The following SERPING1 variants were observed in gnomAD, a reference collection of about 807,000 sequenced individuals.
The protein encoded by SERPING1 is serpin family G member 1.
Under a neutral mutation model 34.1 loss-of-function variants are expected in SERPING1, and 5 were observed. The observed-to-expected ratio is 0.15, with a 90% CI of 0.08 to 0.31. The LOEUF is 0.31. Among genes scored for constraint, SERPING1 ranks in the 10% least tolerant of loss-of-function variants. The pLI is 1.00. For missense variants in SERPING1, 505 were observed against 609.5 expected, an observed-to-expected ratio of 0.83 and a Z score of 1.81; for synonymous variants, 225 against 242.4, an observed-to-expected ratio of 0.93 and a Z score of 0.67.
chr11:57,604,033 C>T (rs578206524), intron 4 of SERPING1, among the ~76,000 whole-genome samples: 8 of 150,918 alleles, frequency 5.3e-5, no homozygotes, highest in African/African-American at 1.5e-4. Context: ...GCCTGTAGTC[C>T]CAGCAGGAGA....
chr11:57,599,495 T>C (rs1159182054), intron 2 of SERPING1, among the ~76,000 whole-genome samples: 1 of 152,202 alleles, frequency 6.6e-6, no homozygotes, highest in Non-Finnish European at 1.5e-5. Context: ...TTCAAATGTC[T>C]GTACTAGCCA....
chr11:57,599,059 C>G, intron 2 of SERPING1, among the ~76,000 whole-genome samples: 1 of 152,084 alleles, frequency 6.6e-6, no homozygotes, highest in East Asian at 1.9e-4. Context: ...CTGTGAGACC[C>G]TGGACTAGTT....
rs1267082596 is a variant in SERPING1 at position 57,606,104 on chromosome 11, G to A, written c.780G>A (p.Glu260=). 1 of 1,614,116 alleles carries A rather than the reference G, an allele frequency of 6.2e-7. No individual in the cohort carries two copies. The highest frequency in any genetic ancestry group is 1.6e-4 in the Middle Eastern group (1 of 6,062). ...GCAACAACAGTGACGCCAACTTGGA[G>A]CTCATCAACACCTGGGTGGCCAAGA... ...VLSNNSDANL[E]LINTWVAKNT... is the part of the protein sequence containing the mutation. Residue 260 remains glutamate, a synonymous_variant, in exon 5 of 8, where the codon GAG becomes GAA. Coordinates refer to ENST00000278407, the MANE Select transcript of SERPING1 (RefSeq NM_000062.3).
intron 1 of SERPING1, chr11:57,597,954 T>G: frequency 2.2e-5 from 8 of 364,948 alleles, no homozygotes; most frequent in East Asian, 5.0e-5. Flanking sequence ...GGCCTCATTG[T>G]TTGGTTAAAG....
Position 57,599,985 on chromosome 11 carries a change from T to C in SERPING1, c.158T>C (p.Met53Thr). 6.2e-7 allele frequency: 1 copy of C among 1,614,180 alleles called. No individual in the cohort carries two copies. The highest frequency in any genetic ancestry group is 1.1e-5 in the South Asian group (1 of 91,082). Residue 53 changes from methionine (M) to threonine (T), a missense_variant, in exon 3 of 8, where the codon ATG becomes ACG. Physicochemically the swap from Met to Thr is moderately conservative, Grantham distance 81 (BLOSUM62 -1). Transcript: ENST00000278407. ...GKVATTVISKMLFVEPILEVS... is the reference protein window; with the variant it reads ...GKVATTVISKTLFVEPILEVS... Reference sequence around the variant, plus strand: ...GTCGCAACAACAGTTATCTCCAAGATGCTATTCGTTGAACCCATCCTGGAG... The same window carrying C: ...GTCGCAACAACAGTTATCTCCAAGACGCTATTCGTTGAACCCATCCTGGAG...
intron 6 of SERPING1, chr11:57,606,869 T>C: frequency 1.7e-6 from 1 of 582,742 alleles, no homozygotes; most frequent in Non-Finnish European, 3.2e-6. Flanking sequence ...TCTGGTGGCT[T>C]AGCAAGTCCT....
intron 1 of SERPING1, 138 bp from the exon 2 acceptor site, chr11:57,598,111 G>T (rs1307873172): frequency 1.5e-5 from 9 of 612,688 alleles, no homozygotes; most frequent in Non-Finnish European, 2.3e-5. Context: ...CAGGGAGAAG[G>T]TGGCCCCAGG....
intron 6 of SERPING1, among the ~76,000 whole-genome samples, chr11:57,611,010 C>T (rs1322158932): frequency 6.6e-6 from 1 of 152,116 alleles, no homozygotes; most frequent in African/African-American, 2.4e-5. Context: ...TCTCGGCTCA[C>T]TGCAGCCTCC....
chr11:57,604,199 G>T (rs1352843837), intron 4 of SERPING1, among the ~76,000 whole-genome samples: 1 of 151,646 alleles, frequency 6.6e-6, no homozygotes, highest in Non-Finnish European at 1.5e-5. Flanking sequence ...GGGCTAGAGA[G>T]CTATAGACAT....
Position 57,598,320 on chromosome 11 carries a change from G to C in SERPING1, c.50G>C (p.Gly17Ala), listed in dbSNP as rs1945311029. 1.9e-6 allele frequency: 3 copies of C among 1,562,776 alleles called. No homozygotes were observed. The highest frequency in any genetic ancestry group is 1.4e-5 in the African/African-American group (1 of 74,012). ...LLTLLLLLLA[G>A]DRASSNPNAT... ...ACCCTCCTGCTGCTGCTGCTGGCTG[G>C]GGTATGTGGTCCCTTGTGGGATGGG... The change falls in exon 2 of 8, where the codon GGG becomes GCG. Residue 17 changes from glycine (G) to alanine (A), a missense_variant and splice_region_variant. Transcript: ENST00000278407.
intron 7 of SERPING1, among the ~76,000 whole-genome samples, chr11:57,614,107 AG>A (rs1945508921): frequency 6.6e-6 from 1 of 151,980 alleles, no homozygotes. Flanking sequence ...TTTAGGGATG[AG>A]GGGCAAGGCC....
In SERPING1 at chr11:57,613,064, A is replaced by G. The variant is rs956053073; in HGVS notation, c.1249+1128A>G. Among the ~76,000 whole-genome samples the G allele has an allele frequency of 2.0e-5, 3 of 152,084 alleles. No homozygotes were observed. The East Asian group carries it at 5.8e-4, about 29-fold the overall frequency. ...GCCCAGCCTCATTTTCTAACCTTTG[A>G]TCTCATGTCCAGCCCTGTCACTTCA... On this transcript the variant is annotated intron_variant, in intron 7 of 7. Transcript: ENST00000278407.
intron 4 of SERPING1, among the ~76,000 whole-genome samples, chr11:57,602,783 CA>C (rs71470278): frequency 0.22 from 31,486 of 142,294 alleles, 3,755 homozygotes; most frequent in Non-Finnish European, 0.28. Flanking sequence ...AAAACAAAAA[CA>C]AAAAAAAAAA....
chr11:57,611,405 T>G, intron 6 of SERPING1: 1 of 451,770 alleles, frequency 2.2e-6, no homozygotes, highest in Non-Finnish European at 4.1e-6. Flanking sequence ...CACAACACAT[T>G]AGGAAGGAAG....
At chr11:57,598,773 G>T (rs1017669689) in intron 2 of SERPING1, among the ~76,000 whole-genome samples, 45 of 152,192 alleles carry the variant, frequency 3.0e-4, no homozygotes, top group African/African-American at 1.1e-3. Flanking sequence ...CCCAGGCTAG[G>T]GCCTGTGAAG....
At chr11:57,605,424 G>A (rs189453132) in intron 4 of SERPING1, among the ~76,000 whole-genome samples, 1,554 of 151,726 alleles carry the variant, frequency 0.01, 41 homozygotes, top group African/African-American at 0.036. Context: ...TCAGCCTCCC[G>A]AATAGCTGGG....
Position 57,611,382 on chromosome 11 carries a change from T to C in SERPING1, c.1030-335T>C, listed in dbSNP as rs1251864443. The stretch of plus-strand genomic sequence containing the variant: ...AACTCTGGCGGTTCAATGTGCATGC[T>C]ATATACTATATGCACAACACATTAG... On this transcript the variant is annotated intron_variant, in intron 6 of 7. Coordinates refer to ENST00000278407, the MANE Select transcript of SERPING1 (RefSeq NM_000062.3). 3 of 400,380 alleles carry C rather than the reference T, an allele frequency of 7.5e-6. No individual in the cohort carries two copies. In the East Asian group the frequency reaches 1.6e-4, roughly 22 times the overall value. The allele number at this position is 400,380 out of a possible 1,614,324, so 24.8% of individuals were successfully genotyped here. A position where few individuals can be genotyped will look rare whatever the true frequency, so the allele number is the denominator to read the frequency against.
rs1435919479 is a variant in SERPING1, at chr11:57,597,712, A to G, written c.-33A>G. Reference sequence around the variant, plus strand: ...TCTGCACTGGAGCTGCCTGGTGACCAGAAGTTTGGAGTAGGTTTGGTGCTG... The same window carrying G: ...TCTGCACTGGAGCTGCCTGGTGACCGGAAGTTTGGAGTAGGTTTGGTGCTG... On this transcript the variant is annotated 5_prime_UTR_variant, in exon 1 of 8. Transcript: ENST00000278407. 1 of 142,636 alleles carries G rather than the reference A, an allele frequency of 7.0e-6. No homozygotes were observed. The highest frequency in any genetic ancestry group is 1.5e-5 in the Non-Finnish European group (1 of 65,488). The allele number at this position is 142,636 out of a possible 1,614,324, so 8.8% of individuals were successfully genotyped here.
intron 7 of SERPING1, among the ~76,000 whole-genome samples, chr11:57,612,403 C>CTTTTT (rs1175159358): frequency 7.4e-6 from 1 of 135,230 alleles, no homozygotes; most frequent in African/African-American, 2.7e-5. Context: ...ACTCCATTTT[C>CTTTTT]TTTTTTTTTT....
Sources: gnomAD v4.1 joint callset for allele counts (sites outside exome capture counted in the v4.1 genomes callset) on GRCh38, gnomAD v4.1.1 for gene constraint, MANE v1.5 for transcripts, NCBI Gene and HGNC (gene_info 2026-07-23, HGNC 2026-07-21) for gene names.